GRM7: variants seen among roughly 807,000 people sequenced by gnomAD.
GRM7 encodes glutamate metabotropic receptor 7.
A neutral mutation model predicts 84.5 loss-of-function variants in GRM7; 35 were observed. The ratio of observed to expected loss-of-function variants is 0.41; its 90% confidence interval spans 0.32 to 0.55. The LOEUF (loss-of-function observed/expected upper bound fraction) is 0.55, where lower values mean the gene tolerates loss of function less well. Among genes scored for constraint, GRM7 ranks in the 20% least tolerant of loss-of-function variants. The probability of loss-of-function intolerance (pLI) is 0.19; values close to 1 mark genes in which losing one functional copy is unlikely to be tolerated. For synonymous variants in GRM7, 487 were observed against 455.1 expected (o/e 1.07, Z -0.89); for missense variants, 1,003 against 1,194.6 (o/e 0.84, Z 2.36).
intron 1 of GRM7, among the ~76,000 whole-genome samples, chr3:6,871,672 A>G (rs905673227): frequency 6.6e-6 from 1 of 152,104 alleles, no homozygotes; most frequent in African/African-American, 2.4e-5. Context: ...TGTACTTACA[A>G]TAAAAATGCA....
At position 7,499,844 on chromosome 3, in the gene GRM7, G is replaced by T. The variant is rs566363500; in HGVS notation, c.1515+38122G>T. Among the ~76,000 whole-genome samples the T allele has an allele frequency of 1.1e-4, 17 of 150,174 alleles. No individual in the cohort carries two copies. In the East Asian group the frequency reaches 2.8e-3, roughly 24 times the overall value. ...GGCTGGAGTGCAGTGTTTCAATCTC[G>T]GCTCACTGCAAGCTCCGCCTCCCAG... On this transcript the variant is annotated intron_variant, in intron 7 of 9. Transcript: ENST00000357716.
chr3:7,073,417 C>T (rs551533010), intron 1 of GRM7, among the ~76,000 whole-genome samples: 38 of 152,164 alleles, frequency 2.5e-4, no homozygotes, highest in African/African-American at 8.9e-4. Flanking sequence ...CTGATTAGGC[C>T]TCTTGTTTCA....
chr3:7,730,391 C>T (rs1223149972), intron 9 of GRM7, among the ~76,000 whole-genome samples: 3 of 152,172 alleles, frequency 2.0e-5, no homozygotes, highest in African/African-American at 4.8e-5. Context: ...ACTGAACCTG[C>T]ACAGTAACAT....
chr3:7,070,313 T>G (rs1224430754), intron 1 of GRM7, among the ~76,000 whole-genome samples: 1 of 152,122 alleles, frequency 6.6e-6, no homozygotes, highest in East Asian at 1.9e-4. Context: ...ATTTTCCAGG[T>G]AGCTGAGGAA....
At chr3:7,068,127 T>C (rs1261586750) in intron 1 of GRM7, among the ~76,000 whole-genome samples, 1 of 151,924 alleles carries the variant, frequency 6.6e-6, no homozygotes, top group African/African-American at 2.4e-5. Context: ...GGAGATTGCA[T>C]GGAAATGAAA....
intron 1 of GRM7, among the ~76,000 whole-genome samples, chr3:6,988,450 T>A (rs1266914518): frequency 6.6e-6 from 1 of 152,148 alleles, no homozygotes. Flanking sequence ...AAGGGCATTA[T>A]CTTTCTCAGA....
At chr3:7,318,353 A>G (rs748858409) in intron 4 of GRM7, among the ~76,000 whole-genome samples, 1 of 152,026 alleles carries the variant, frequency 6.6e-6, no homozygotes, top group Non-Finnish European at 1.5e-5. Flanking sequence ...GGAGCTCACA[A>G]ACTCACCTAT....
At chr3:7,496,244 C>A (rs1699696924) in intron 7 of GRM7, among the ~76,000 whole-genome samples, 1 of 152,070 alleles carries the variant, frequency 6.6e-6, no homozygotes, top group Non-Finnish European at 1.5e-5. Flanking sequence ...AGTGAAGAAA[C>A]CCAACAACAT....
chr3:7,020,450 C>T (rs940870506), intron 1 of GRM7, among the ~76,000 whole-genome samples: 1 of 152,092 alleles, frequency 6.6e-6, no homozygotes, highest in Non-Finnish European at 1.5e-5. Context: ...ATGGCAGAAC[C>T]TGCTATTTAG....
chr3:6,903,117 G>A (rs1357689371), intron 1 of GRM7, among the ~76,000 whole-genome samples: 1 of 151,652 alleles, frequency 6.6e-6, no homozygotes, highest in Non-Finnish European at 1.5e-5. Flanking sequence ...TTTGTTTTTA[G>A]GATACTTAGA....
chr3:7,546,566 T>A (rs1693162509), intron 7 of GRM7, among the ~76,000 whole-genome samples: 1 of 152,178 alleles, frequency 6.6e-6, no homozygotes, highest in Non-Finnish European at 1.5e-5. Context: ...AACAAAGCCT[T>A]CTCCTGACCT....
chr3:7,505,147 T>C (rs929510167), intron 7 of GRM7, among the ~76,000 whole-genome samples: 3 of 152,222 alleles, frequency 2.0e-5, no homozygotes, highest in African/African-American at 7.2e-5. Flanking sequence ...AACAATATTA[T>C]TCATTGAAGC....
intron 7 of GRM7, among the ~76,000 whole-genome samples, chr3:7,576,958 C>A (rs575908594): frequency 1.3e-5 from 2 of 152,338 alleles, no homozygotes; most frequent in South Asian, 4.1e-4. Flanking sequence ...GGAGCTCAAA[C>A]AAGCTCACCA....
chr3:7,574,264 A>G (rs1181474572), intron 7 of GRM7, among the ~76,000 whole-genome samples: 6 of 151,346 alleles, frequency 4.0e-5, no homozygotes, highest in African/African-American at 1.5e-4. Flanking sequence ...GGTTCAAGCA[A>G]TTCTCCTGCC....
intron 2 of GRM7, among the ~76,000 whole-genome samples, chr3:7,273,509 T>G (rs1698943798): frequency 6.6e-6 from 1 of 152,108 alleles, no homozygotes; most frequent in Non-Finnish European, 1.5e-5. Context: ...GTTTTATCAT[T>G]TTTTGCCTCA....
chr3:7,303,279 A>C (rs1247214244), intron 3 of GRM7, among the ~76,000 whole-genome samples: 1 of 152,176 alleles, frequency 6.6e-6, no homozygotes, highest in East Asian at 1.9e-4. Context: ...TACATAAAAA[A>C]ACTAAAATAT....
At chr3:7,713,163 T>C (rs896685741) in intron 9 of GRM7, among the ~76,000 whole-genome samples, 3 of 141,936 alleles carry the variant, frequency 2.1e-5, no homozygotes, top group Non-Finnish European at 4.6e-5. Flanking sequence ...GAGACAATCT[T>C]GCTTTGTCAC....
At chr3:7,510,189 T>G (rs1700157847) in intron 7 of GRM7, among the ~76,000 whole-genome samples, 1 of 152,176 alleles carries the variant, frequency 6.6e-6, no homozygotes, top group African/African-American at 2.4e-5. Flanking sequence ...CTGGTCCTCT[T>G]TTACATGTTT....
chr3:7,092,276 C>T (rs1023917595), intron 1 of GRM7, among the ~76,000 whole-genome samples: 1 of 152,206 alleles, frequency 6.6e-6, no homozygotes, highest in African/African-American at 2.4e-5. Context: ...ATCTTCATGA[C>T]AGAACTTCTA....
Sources: allele counts gnomAD v4.1 joint callset (sites outside exome capture counted in the v4.1 genomes callset), GRCh38; gene constraint gnomAD v4.1.1; transcripts MANE v1.5; gene names NCBI Gene and HGNC (gene_info 2026-07-23, HGNC 2026-07-21).